The following P3H2 variants were observed in gnomAD, a reference collection of about 807,000 sequenced individuals.
The protein encoded by P3H2 is prolyl 3-hydroxylase 2, also known as leprecan-like 1.
In P3H2, 80 loss-of-function variants were observed where a neutral mutation model predicts 87.0. The observed-to-expected ratio is 0.92, with a 90% CI of 0.77 to 1.11. The LOEUF is 1.11. Among genes scored for constraint, P3H2 ranks in the 50% least tolerant of loss-of-function variants. The pLI, the probability that P3H2 is intolerant of heterozygous loss-of-function variation, is 0.00. For synonymous variants in P3H2, 367 were observed against 359.3 expected (o/e 1.02, Z -0.24); for missense variants, 1,001 against 923.9 (o/e 1.08, Z -1.08).
chr3:190,103,723 G>A (rs962431404), intron 1 of P3H2, among the ~76,000 whole-genome samples: 1 of 152,098 alleles, frequency 6.6e-6, no homozygotes, highest in African/African-American at 2.4e-5. Flanking sequence ...CCGGTTCACC[G>A]ACTTATGGTT....
chr3:189,966,131 G>GAA (rs1329463009), intron 13 of P3H2, among the ~76,000 whole-genome samples: 7 of 51,258 alleles, frequency 1.4e-4, no homozygotes, highest in African/African-American at 1.9e-4. Context: ...GAAAAAGAAA[G>GAA]AAAGAAAGAA....
intron 1 of P3H2, among the ~76,000 whole-genome samples, chr3:190,085,391 T>C (rs112223914): frequency 6.6e-6 from 1 of 152,342 alleles, no homozygotes; most frequent in African/African-American, 2.4e-5. Context: ...AGTCTCTGGA[T>C]ACATGTGATT....
intron 1 of P3H2, among the ~76,000 whole-genome samples, chr3:190,034,140 TA>T (rs1382945071): frequency 6.6e-6 from 1 of 152,224 alleles, no homozygotes; most frequent in Non-Finnish European, 1.5e-5. Context: ...TAAAGACATC[TA>T]AAAATGTGCA....
chr3:190,030,014 GA>G (rs1034827657), intron 1 of P3H2, among the ~76,000 whole-genome samples: 5 of 138,694 alleles, frequency 3.6e-5, no homozygotes, highest in Non-Finnish European at 3.2e-5. Context: ...AAAAAAAAAA[GA>G]AAAAAAAAGA....
chr3:190,018,139 G>C (rs957186853), intron 1 of P3H2, among the ~76,000 whole-genome samples: 2 of 152,138 alleles, frequency 1.3e-5, no homozygotes, highest in Non-Finnish European at 2.9e-5. Flanking sequence ...GTTCTACTTG[G>C]CAAAGATTGC....
At chr3:190,065,883 A>T (rs1726482645) in intron 1 of P3H2, among the ~76,000 whole-genome samples, 3 of 152,112 alleles carry the variant, frequency 2.0e-5, no homozygotes. Flanking sequence ...GCTGTATCCC[A>T]GAGATTTTCA....
rs759529729 is a variant in P3H2 at position 189,973,007 on chromosome 3, T to C, written c.1566A>G (p.Arg522=). ...ACAGACGAGCGCTCTTCAGTGGGAC[T>C]CGACCTTCATAACCAGACTGAAAAA... ...LKALKSGYEG[R]VPLKSARLFY... is the part of the protein sequence containing the mutation. The change falls in exon 11 of 15, where the codon CGA becomes CGG. Residue 522 remains arginine (R), a synonymous_variant. Coordinates refer to ENST00000319332, the MANE Select transcript of P3H2 (RefSeq NM_018192.4). 23 of 1,609,324 alleles carry C rather than the reference T, an allele frequency of 1.4e-5. No homozygotes were observed. The highest frequency in any genetic ancestry group is 2.2e-5 in the East Asian group (1 of 44,536).
chr3:190,027,619 TTTACC>T (rs1240989155), intron 1 of P3H2, among the ~76,000 whole-genome samples: 1 of 146,898 alleles, frequency 6.8e-6, no homozygotes, highest in Non-Finnish European at 1.5e-5. Context: ...AATTGCGGTT[TTTACC>T]TTTTTTTTTT....
Position 189,983,087 on chromosome 3 carries a change from C to A in P3H2, c.1283G>T (p.Gly428Val). The change falls in exon 8 of 15, where the codon GGA (glycine) becomes GTA (valine). Residue 428 changes from glycine to valine, a missense_variant. Transcript: ENST00000319332. ...EGAEVHGFSM[G>V]KKLSPKIDRD... is the part of the protein sequence containing the mutation. The stretch of plus-strand genomic sequence containing the variant: ...ATCTATCTTGGGTGATAGCTTTTTT[C>A]CCATTGAGAATCCATGAACTTCTGC... 6.2e-7 allele frequency: 1 copy of A among 1,613,896 alleles called. No homozygotes were observed. The highest frequency in any genetic ancestry group is 8.5e-7 in the Non-Finnish European group (1 of 1,179,856).
Position 189,971,871 on chromosome 3 carries a change from A to G in P3H2, c.1817+19T>C. The G allele has an allele frequency of 7.1e-7, 1 of 1,410,066 alleles. No individual in the cohort carries two copies. The highest frequency in any genetic ancestry group is 1.7e-5 in the Admixed American group (1 of 59,766). The allele number at this position is 1,410,066 out of a possible 1,614,324, so 87.3% of individuals were successfully genotyped here. On this transcript the variant is annotated intron_variant, in intron 12 of 14. Coordinates refer to ENST00000319332, the MANE Select transcript of P3H2 (RefSeq NM_018192.4). ...ACTGTTAGGTAAAAGCTTTGTTTTG[A>G]AGCAGGTTCTAGCTATACCTATAGT...
At chr3:190,047,400 G>A (rs1577294834) in intron 1 of P3H2, among the ~76,000 whole-genome samples, 1 of 152,298 alleles carries the variant, frequency 6.6e-6, no homozygotes, top group Middle Eastern at 3.4e-3. Flanking sequence ...CCAAGGGAAA[G>A]GAAACTAGTG....
chr3:190,086,401 G>C (rs1473396737), intron 1 of P3H2, among the ~76,000 whole-genome samples: 1 of 152,092 alleles, frequency 6.6e-6, no homozygotes, highest in Non-Finnish European at 1.5e-5. Context: ...TGTTTCCCGG[G>C]GGTAGTTGCT....
chr3:189,989,093 T>C, intron 3 of P3H2, 55 bp from the exon 4 acceptor site: 3 of 1,608,188 alleles, frequency 1.9e-6, no homozygotes, highest in Non-Finnish European at 8.5e-7. Flanking sequence ...TGCCCAAACG[T>C]CAACGTCACA....
In P3H2 at chr3:190,106,227, G is replaced by T. The variant is rs555308011; in HGVS notation, c.480+14025C>A. ...AAATCAGAGAATGGGAGAATTTAAT[G>T]GGGAAGAAAGAAAAGAACATTTCTT... On this transcript the variant is annotated intron_variant, in intron 1 of 14. Coordinates refer to ENST00000319332, the MANE Select transcript of P3H2 (RefSeq NM_018192.4). 3.9e-5 allele frequency among the ~76,000 whole-genome samples: 6 copies of T among 152,244 alleles called. No homozygotes were observed. The South Asian group carries it at 1.0e-3, about 26-fold the overall frequency.
chr3:190,021,007 C>T (rs1724914195), intron 1 of P3H2, among the ~76,000 whole-genome samples: 1 of 134,196 alleles, frequency 7.5e-6, no homozygotes, highest in Non-Finnish European at 1.7e-5. Context: ...ATAATGTTTT[C>T]AAAGTCACTT....
At chr3:190,092,653 A>C (rs1157471433) in intron 1 of P3H2, among the ~76,000 whole-genome samples, 1 of 152,048 alleles carries the variant, frequency 6.6e-6, no homozygotes, top group African/African-American at 2.4e-5. Context: ...TGGGATCTGA[A>C]CTCTTTTCAG....
In P3H2 at chr3:189,984,285, C is replaced by T. The variant is rs9873036; in HGVS notation, c.1229+265G>A. Among the ~76,000 whole-genome samples, 1,212 of 151,472 alleles carry T rather than the reference C, an allele frequency of 8.0e-3. 14 individuals are homozygous for T. Among genetic ancestry groups the T allele is most frequent in the African/African-American group, 0.028 (1,176 of 41,286 alleles). On this transcript the variant is annotated intron_variant, in intron 7 of 14. Coordinates refer to ENST00000319332, the MANE Select transcript of P3H2 (RefSeq NM_018192.4). ...CCTTCTCAGATTCGGAATCATGGAACGTTAGCAGATAGAAAGCACCTGATT... is the reference window on the plus strand; with the variant it reads ...CCTTCTCAGATTCGGAATCATGGAATGTTAGCAGATAGAAAGCACCTGATT...
At chr3:190,008,518 C>T (rs556036373) in intron 1 of P3H2, among the ~76,000 whole-genome samples, 31 of 152,174 alleles carry the variant, frequency 2.0e-4, no homozygotes, top group African/African-American at 6.7e-4. Flanking sequence ...AAATTATATT[C>T]GGTGGTTAAA....
chr3:190,012,705 G>T (rs1724632079), intron 1 of P3H2, among the ~76,000 whole-genome samples: 1 of 152,058 alleles, frequency 6.6e-6, no homozygotes, highest in Admixed American at 6.6e-5. Context: ...AATCCCATAT[G>T]ATCCCATCCA....
Sources: gnomAD v4.1 joint callset for allele counts (sites outside exome capture counted in the v4.1 genomes callset) on GRCh38, gnomAD v4.1.1 for gene constraint, MANE v1.5 for transcripts, NCBI Gene and HGNC (gene_info 2026-07-23, HGNC 2026-07-21) for gene names.